The following ASB11 variants were observed in gnomAD, a reference collection of about 807,000 sequenced individuals.
ASB11 encodes the protein ankyrin repeat and SOCS box protein 11.
Under a neutral mutation model 20.1 loss-of-function variants are expected in ASB11, and 17 were observed. The ratio of observed to expected loss-of-function variants is 0.85; its 90% CI spans 0.58 to 1.27. The LOEUF is 1.27. ASB11 is among the 50% of genes most tolerant of loss of function. The pLI, the probability that ASB11 is intolerant of heterozygous loss-of-function variation, is 0.00. For synonymous variants in ASB11, 107 were observed against 105.6 expected, an observed-to-expected ratio of 1.01 and a Z score of -0.08; for missense variants, 259 against 256.9, an observed-to-expected ratio of 1.01 and a Z score of -0.06.
intron 4 of ASB11, among the ~76,000 whole-genome samples, chrX:15,291,664 G>T (rs1157539286): frequency 3.8e-5 from 4 of 106,559 alleles, no homozygotes; most frequent in African/African-American, 1.4e-4. Context: ...CCGAGATTGT[G>T]CCATTGCACT....
chrX:15,298,997 C>T (rs1374618020), intron 2 of ASB11, among the ~76,000 whole-genome samples: 1 of 111,555 alleles, frequency 9.0e-6, no homozygotes, highest in Non-Finnish European at 1.9e-5. Context: ...CCATGTGTCC[C>T]CTTCCTTGTC....
At chrX:15,286,001 G>A (rs778723704) in intron 6 of ASB11, among the ~76,000 whole-genome samples, 38 of 109,623 alleles carry the variant, frequency 3.5e-4, no homozygotes, top group African/African-American at 9.7e-4. Context: ...GCAAAACTCC[G>A]TCTAAAATAA....
At position 15,297,676 on chromosome X, in the gene ASB11, G is replaced by A. The variant is rs1443885869; in HGVS notation, c.267C>T (p.Val89=). The change falls in exon 3 of 7, where the codon GTC becomes GTT. Residue 89 remains valine, a synonymous_variant. Transcript: ENST00000480796. ...GGTTAATTGTCACAAGGTTCACATT[G>A]ACACCCTATAATTTAGAAAGAAGAG... ...LALKTLIAQG[V]NVNLVTINRV... is the part of the protein sequence containing the mutation. 8.3e-7 allele frequency: 1 copy of A among 1,204,070 alleles called. No individual in the cohort carries two copies. Among genetic ancestry groups the A allele is most frequent in the Non-Finnish European group, 1.1e-6 (1 of 888,801 alleles).
rs1354705422 is a variant in ASB11, at chrX:15,293,275, A to G, written c.415T>C (p.Cys139Arg). 1 of 1,211,414 alleles carries G rather than the reference A, an allele frequency of 8.3e-7. No homozygotes were observed. The highest frequency in any genetic ancestry group is 1.1e-6 in the Non-Finnish European group (1 of 895,256). ...ACACATGCAGCACTGCCGCTGCAGC[A>G]AGCATTGAAGAGGGGTGTGGCTCCG... ...VHGATPLFNA[C>R]CSGSAACVNV... The change falls in exon 4 of 7, where the codon TGC becomes CGC. Residue 139 changes from cysteine (C) to arginine (R), a missense_variant. Cys to Arg is a radical substitution (Grantham distance 180, BLOSUM62 -3). Transcript: ENST00000480796.
intron 1 of ASB11, among the ~76,000 whole-genome samples, chrX:15,311,229 G>A (rs897559848): frequency 1.4e-4 from 16 of 112,559 alleles, no homozygotes; most frequent in African/African-American, 5.2e-4. Flanking sequence ...CTAGAGAGGA[G>A]ATGAGACACA....
intron 2 of ASB11, among the ~76,000 whole-genome samples, chrX:15,300,474 A>G (rs1024153360): frequency 8.9e-6 from 1 of 112,808 alleles, no homozygotes; most frequent in Non-Finnish European, 1.9e-5. Context: ...GTAGACAAAT[A>G]CATTTTTTAA....
At chrX:15,284,086 A>G (rs750567046) in intron 6 of ASB11, among the ~76,000 whole-genome samples, 3 of 106,083 alleles carry the variant, frequency 2.8e-5, no homozygotes, top group South Asian at 4.2e-4. Flanking sequence ...CCCCGTGTCC[A>G]CTAAAAATAC....
chrX:15,285,528 T>C (rs1391298084), intron 6 of ASB11, among the ~76,000 whole-genome samples: 2 of 111,497 alleles, frequency 1.8e-5, no homozygotes, highest in African/African-American at 3.3e-5. Flanking sequence ...GGTCTACAAA[T>C]CCTAGTCCTA....
intron 6 of ASB11, 130 bp from the exon 7 acceptor site, chrX:15,283,759 T>C (rs931431624): frequency 9.7e-6 from 7 of 722,530 alleles, no homozygotes; most frequent in Middle Eastern, 4.8e-4. Context: ...ATAGGAACTA[T>C]AGAATGAGGT....
rs60765469 is a variant in ASB11 at position 15,309,967 on chromosome X, CAAAA to C, written c.181+5454_181+5457del. Among the ~76,000 whole-genome samples the C allele has an allele frequency of 2.6e-3, 41 of 15,527 alleles. No homozygotes were observed. The South Asian group carries it at 0.12, about 44-fold the overall frequency. 13.5% of individuals were successfully genotyped at this position (15,527 alleles called of 115,157 possible). A position where few individuals can be genotyped will look rare whatever the true frequency, so the allele number is the denominator to read the frequency against. On this transcript the variant is annotated intron_variant, in intron 1 of 6. Transcript: ENST00000480796. The stretch of plus-strand genomic sequence containing the variant: ...TGGGCGACAGAGCAAGACTCCGTCT[CAAAA>C]AAAAAAAAAAAAAAAAAAAAGTAGA...
intron 3 of ASB11, among the ~76,000 whole-genome samples, chrX:15,293,525 A>G (rs965133210): frequency 8.9e-5 from 10 of 111,925 alleles, no homozygotes; most frequent in African/African-American, 3.2e-4. Context: ...AAAACATTAC[A>G]TGTCACCCAG....
chrX:15,285,224 C>T (rs1403897680), intron 6 of ASB11, among the ~76,000 whole-genome samples: 1 of 107,030 alleles, frequency 9.3e-6, no homozygotes, highest in Non-Finnish European at 1.9e-5. Flanking sequence ...TCACTCCAAC[C>T]TCTGCCTCCC....
intron 1 of ASB11, among the ~76,000 whole-genome samples, chrX:15,304,546 C>G (rs970161751): frequency 8.9e-6 from 1 of 112,097 alleles, no homozygotes; most frequent in Admixed American, 9.5e-5. Flanking sequence ...GATCCCAGGT[C>G]TGGGCCAGGT....
At position 15,297,701 on chromosome X, in the gene ASB11, G is replaced by C; in HGVS notation, c.262-20C>G. On this transcript the variant is annotated intron_variant, in intron 2 of 6. Coordinates refer to ENST00000480796, the MANE Select transcript of ASB11 (RefSeq NM_080873.3). ...GACACCCTATAATTTAGAAAGAAGAGAGTTTATTTATTTTTTACAGACTGG... is the reference window on the plus strand; with the variant it reads ...GACACCCTATAATTTAGAAAGAAGACAGTTTATTTATTTTTTACAGACTGG... The C allele has an allele frequency of 8.4e-7, 1 of 1,189,682 alleles. No individual in the cohort carries two copies. Among genetic ancestry groups the C allele is most frequent in the Non-Finnish European group, 1.1e-6 (1 of 876,180 alleles).
intron 4 of ASB11, among the ~76,000 whole-genome samples, chrX:15,292,190 G>A (rs1927553295): frequency 8.9e-6 from 1 of 111,732 alleles, no homozygotes. Context: ...AAAATACATA[G>A]ATAAATTTAG....
intron 1 of ASB11, among the ~76,000 whole-genome samples, chrX:15,311,259 A>G (rs1002594212): frequency 8.0e-5 from 9 of 112,651 alleles, no homozygotes; most frequent in African/African-American, 2.9e-4. Flanking sequence ...GTTAGACACA[A>G]TTAACTATGT....
At position 15,282,375 on chromosome X, in the gene ASB11, G is replaced by C. The variant is rs553285599; in HGVS notation, c.*1130C>G. On this transcript the variant is annotated 3_prime_UTR_variant, in exon 7 of 7. Transcript: ENST00000480796. ...GAAGAGGAGGGGTGACAGAAGGAGA[G>C]AGAAATGAGAAGAAGGAGAAGACAG... 2 of 111,401 alleles carry C rather than the reference G, an allele frequency of 1.8e-5. No homozygotes were observed. Among genetic ancestry groups the C allele is most frequent in the African/African-American group, 6.5e-5 (2 of 30,623 alleles). The allele number at this position is 111,401 out of a possible 1,213,427, so 9.2% of individuals were successfully genotyped here.
rs369128675 is a variant in ASB11, at chrX:15,315,486, G to A, written c.120C>T (p.Ile40=). Reference sequence around the variant, plus strand: ...CCGCTTCTTTTCTATTTCCTTTGACGATATAGAAATGGGTTAGGAGAGCCA... The same window carrying A: ...CCGCTTCTTTTCTATTTCCTTTGACAATATAGAAATGGGTTAGGAGAGCCA... The part of the protein sequence containing the change: ...VFLALLTHFY[I]VKGNRKEAAR... Residue 40 remains isoleucine (I), a synonymous_variant, in exon 1 of 7, where the codon ATC becomes ATT. Coordinates refer to ENST00000480796, the MANE Select transcript of ASB11 (RefSeq NM_080873.3). The A allele has an allele frequency of 6.0e-6, 7 of 1,165,895 alleles. No individual in the cohort carries two copies. In the East Asian group the frequency reaches 9.2e-5, roughly 15 times the overall value.
At chrX:15,285,594 C>T (rs1278679294) in intron 6 of ASB11, among the ~76,000 whole-genome samples, 1 of 112,131 alleles carries the variant, frequency 8.9e-6, no homozygotes, top group Non-Finnish European at 1.9e-5. Flanking sequence ...AAACTATAGT[C>T]TCTGCTAACA....
Sources: gnomAD v4.1 joint callset for allele counts (sites outside exome capture counted in the v4.1 genomes callset) on GRCh38, gnomAD v4.1.1 for gene constraint, MANE v1.5 for transcripts, NCBI Gene and HGNC (gene_info 2026-07-23, HGNC 2026-07-21) for gene names.